FNIP1: variants seen among roughly 807,000 people sequenced by gnomAD.
FNIP1 encodes the protein folliculin-interacting protein 1.
FNIP1 carries 40 observed loss-of-function variants against 124.5 expected under a neutral mutation model. The observed-to-expected ratio is 0.32, with a 90% CI of 0.25 to 0.42. FNIP1 has a LOEUF of 0.42. FNIP1 is among the 10% of genes least tolerant of loss of function. The probability of loss-of-function intolerance (pLI) is 1.00; values close to 1 mark genes in which losing one functional copy is unlikely to be tolerated. For missense variants in FNIP1, 1,176 were observed against 1,403.7 expected (o/e 0.84, Z 2.59); for synonymous variants, 472 against 470.6 (o/e 1.00, Z -0.04).
intron 2 of FNIP1, 31 bp downstream of exon 2, chr5:131,744,533 A>G (rs1265233975): frequency 1.9e-6 from 3 of 1,573,730 alleles, no homozygotes; most frequent in Non-Finnish European, 2.6e-6. Context: ...GTTCAACATT[A>G]AAAGTCAACC....
intron 1 of FNIP1, among the ~76,000 whole-genome samples, chr5:131,750,216 G>C (rs1770824697): frequency 6.6e-6 from 1 of 152,086 alleles, no homozygotes; most frequent in African/African-American, 2.4e-5. Flanking sequence ...CAAGAATACA[G>C]CTGAATTGAT....
chr5:131,732,546 A>G (rs1770132905), intron 2 of FNIP1, among the ~76,000 whole-genome samples: 1 of 152,166 alleles, frequency 6.6e-6, no homozygotes, highest in African/African-American at 2.4e-5. Flanking sequence ...CTTTCTACAT[A>G]TGGCTAGCCA....
chr5:131,782,925 C>A (rs1196778838), intron 1 of FNIP1, among the ~76,000 whole-genome samples: 1 of 152,182 alleles, frequency 6.6e-6, no homozygotes, highest in Admixed American at 6.5e-5. Flanking sequence ...GGCCTCCCGA[C>A]GTGCTGGGAT....
Position 131,739,969 on chromosome 5 carries a change from C to T in FNIP1, c.219+4595G>A, listed in dbSNP as rs1413813725. 2.0e-5 allele frequency among the ~76,000 whole-genome samples: 3 copies of T among 152,006 alleles called. No individual in the cohort carries two copies. In the South Asian group the frequency reaches 6.2e-4, roughly 32 times the overall value. On this transcript the variant is annotated intron_variant, in intron 2 of 17. Coordinates refer to ENST00000510461, the MANE Select transcript of FNIP1 (RefSeq NM_133372.3). ...TTTTCCATTTGAACTTTAGAATCCACTATTTAGTTCCAGACACTACCCCCA... is the reference window on the plus strand; with the variant it reads ...TTTTCCATTTGAACTTTAGAATCCATTATTTAGTTCCAGACACTACCCCCA...
chr5:131,671,662 C>T lies in FNIP1; in HGVS notation c.2782G>A (p.Gly928Arg). Residue 928 changes from glycine (G) to arginine (R), a missense_variant, in exon 14 of 18, where the codon GGA (glycine) becomes AGA (arginine). By Grantham distance (125) the Gly-to-Arg change is moderately radical. This residue lies in a region of FNIP1 where 1,109 missense variants were observed against 1,288.5 expected (regional missense o/e 0.86). Transcript: ENST00000510461. ...TTTCTTGGAATGTCCCATTCAGTTC[C>T]TACAGCAATTTTTTTATCTGAACTC... is the stretch of plus-strand genomic sequence containing the variant. ...KESSDKKIAV[G>R]TEWDIPRNES... 1 of 1,614,148 alleles carries T rather than the reference C, an allele frequency of 6.2e-7. No individual in the cohort carries two copies. Among genetic ancestry groups the T allele is most frequent in the South Asian group, 1.1e-5 (1 of 91,086 alleles).
Position 131,744,700 on chromosome 5 carries a change from AAAGT to A in FNIP1, c.93-14_93-11del. 9.4e-6 allele frequency: 15 copies of A among 1,603,098 alleles called. No individual in the cohort carries two copies. The highest frequency in any genetic ancestry group is 1.2e-5 in the Non-Finnish European group (14 of 1,174,152). Reference sequence around the variant, plus strand: ...CTCTGGTAAAGGCCAACTTGAAAGAAAAGTAAGGAAAAGTAAAGATCCATTAGAG... The same window carrying A: ...CTCTGGTAAAGGCCAACTTGAAAGAAAAGGAAAAGTAAAGATCCATTAGAG... On this transcript the variant is annotated splice_polypyrimidine_tract_variant and intron_variant, in intron 1 of 17. Transcript: ENST00000510461.
intron 9 of FNIP1, 63 bp downstream of exon 9, chr5:131,706,348 C>A (rs1769110962): frequency 2.1e-6 from 3 of 1,439,648 alleles, no homozygotes; most frequent in Admixed American, 2.5e-5. Context: ...TTCTAAAAAA[C>A]CCATATAAAA....
chr5:131,717,275 A>G (rs1332603600), intron 5 of FNIP1, among the ~76,000 whole-genome samples: 1 of 151,896 alleles, frequency 6.6e-6, no homozygotes, highest in Non-Finnish European at 1.5e-5. Flanking sequence ...GCTGAGAATG[A>G]CGGTTTCCAG....
At chr5:131,763,476 C>A (rs972911028) in intron 1 of FNIP1, among the ~76,000 whole-genome samples, 10 of 152,154 alleles carry the variant, frequency 6.6e-5, no homozygotes, top group African/African-American at 2.4e-4. Flanking sequence ...AAGCATGATA[C>A]TGGCATCTGC....
In FNIP1 at chr5:131,659,215, G is replaced by A. The variant is rs1349760393; in HGVS notation, c.3109-7216C>T. Among the ~76,000 whole-genome samples, 6 of 152,268 alleles carry A rather than the reference G, an allele frequency of 3.9e-5. No homozygotes were observed. In the East Asian group the frequency reaches 5.8e-4, roughly 15 times the overall value. On this transcript the variant is annotated intron_variant, in intron 15 of 17. Coordinates refer to ENST00000510461, the MANE Select transcript of FNIP1 (RefSeq NM_133372.3). ...CAATGCCAGGGTACATGTTGTTGCC[G>A]CCAAACAACACTGTGTTGGTGTACA...
intron 15 of FNIP1, among the ~76,000 whole-genome samples, chr5:131,660,055 A>G (rs1278386844): frequency 1.3e-5 from 2 of 152,220 alleles, no homozygotes; most frequent in African/African-American, 4.8e-5. Context: ...TTGCCCGTGA[A>G]GCAGACCTTC....
chr5:131,700,049 T>A (rs1265283443), intron 10 of FNIP1, among the ~76,000 whole-genome samples: 1 of 149,170 alleles, frequency 6.7e-6, no homozygotes, highest in Non-Finnish European at 1.5e-5. Flanking sequence ...AGTGGCACAA[T>A]CTTGGCTCAC....
At chr5:131,723,344 C>T (rs1182146266) in intron 3 of FNIP1, among the ~76,000 whole-genome samples, 2 of 152,038 alleles carry the variant, frequency 1.3e-5, no homozygotes, top group African/African-American at 4.8e-5. Flanking sequence ...AATACCAAGG[C>T]ATTTATTTAT....
At chr5:131,688,357 C>T (rs1308823561) in intron 11 of FNIP1, among the ~76,000 whole-genome samples, 4 of 150,186 alleles carry the variant, frequency 2.7e-5, no homozygotes. Flanking sequence ...TTACAGCAAA[C>T]ATTAAACACA....
Position 131,672,098 on chromosome 5 carries a change from T to C in FNIP1, c.2346A>G (p.Lys782=). ...TAGCCCCTCTTTCTTCCTTCAATGG[T>C]TTGGTGTGATGTCTGGTAATCTGAT... is the stretch of plus-strand genomic sequence containing the variant. The part of the protein sequence containing the change: ...VVDQITRHHT[K]PLKEERGAID... The change falls in exon 14 of 18, where the codon AAA becomes AAG. Residue 782 remains lysine (K), a synonymous_variant. Transcript: ENST00000510461. The C allele has an allele frequency of 1.9e-6, 3 of 1,614,184 alleles. No homozygotes were observed. The highest frequency in any genetic ancestry group is 2.5e-6 in the Non-Finnish European group (3 of 1,180,032).
At chr5:131,695,076 G>A (rs771705394) in intron 11 of FNIP1, among the ~76,000 whole-genome samples, 5 of 151,842 alleles carry the variant, frequency 3.3e-5, no homozygotes, top group African/African-American at 1.2e-4. Context: ...CTGCACTCCA[G>A]CCTGGGCCAC....
At chr5:131,717,788 G>A (rs1353277017) in intron 5 of FNIP1, among the ~76,000 whole-genome samples, 2 of 151,948 alleles carry the variant, frequency 1.3e-5, no homozygotes, top group African/African-American at 4.8e-5. Context: ...ATTCCAACAT[G>A]GAATCTTTAA....
chr5:131,692,313 CT>C (rs1410916721), intron 11 of FNIP1, among the ~76,000 whole-genome samples: 9 of 152,028 alleles, frequency 5.9e-5, no homozygotes, highest in East Asian at 1.9e-4. Context: ...TTCCCTCCCC[CT>C]GACCCCCCCA....
chr5:131,650,025 T>C (rs1331331229), intron 16 of FNIP1, among the ~76,000 whole-genome samples: 2 of 152,208 alleles, frequency 1.3e-5, no homozygotes, highest in Non-Finnish European at 2.9e-5. Context: ...TACTGTAGCT[T>C]TGTAATAAGT....
Sources: gnomAD v4.1 joint callset for allele counts (sites outside exome capture counted in the v4.1 genomes callset) on GRCh38, gnomAD v4.1.1 for gene constraint, gnomAD v4.1.1 regional missense constraint, MANE v1.5 for transcripts, NCBI Gene and HGNC (gene_info 2026-07-23, HGNC 2026-07-21) for gene names.